Variants in BCAR3 observed in about 807,000 individuals in gnomAD.
BCAR3 encodes the protein BCAR3 adaptor protein, NSP family member.
BCAR3 carries 37 observed loss-of-function variants against 80.1 expected under a neutral mutation model. The ratio of observed to expected loss-of-function variants is 0.46; its 90% CI spans 0.36 to 0.61. The LOEUF is 0.61. Ranked by LOEUF, BCAR3 falls within the 20% of genes least tolerant of loss-of-function variation. BCAR3 has a pLI of 0.00. For synonymous variants in BCAR3, 389 were observed against 418.9 expected (o/e 0.93, Z 0.87); for missense variants, 978 against 1,068.2 (o/e 0.92, Z 1.18).
At chr1:93,675,041 AATATTCACAGACC>A in intron 1 of BCAR3, 100 bp from the exon 2 acceptor site, 1 of 981,174 alleles carries the variant, frequency 1.0e-6, no homozygotes, top group Non-Finnish European at 1.4e-6. Context: ...CATAAAATGA[AATATTCACAGACC>A]ATTAACAGAT....
intron 3 of BCAR3, among the ~76,000 whole-genome samples, chr1:93,611,002 C>T (rs1414942225): frequency 3.3e-5 from 5 of 152,010 alleles, no homozygotes; most frequent in Non-Finnish European, 7.4e-5. Flanking sequence ...TGATTCTGGG[C>T]GGGCTGTTTC....
At chr1:93,614,977 C>A (rs1308058434) in intron 3 of BCAR3, among the ~76,000 whole-genome samples, 1 of 151,480 alleles carries the variant, frequency 6.6e-6, no homozygotes, top group Admixed American at 6.6e-5. Flanking sequence ...TCCCTTCATT[C>A]CAGTTATAGC....
chr1:93,718,688 C>CTTTTT (rs71094259), intron 2 of BCAR3, among the ~76,000 whole-genome samples: 5 of 77,036 alleles, frequency 6.5e-5, no homozygotes, highest in Admixed American at 1.7e-4. Context: ...CATTGTTTTT[C>CTTTTT]TTTTTTTTTT....
chr1:93,601,599 T>C (rs1412543020), intron 3 of BCAR3, among the ~76,000 whole-genome samples: 1 of 152,260 alleles, frequency 6.6e-6, no homozygotes, highest in East Asian at 1.9e-4. Context: ...AGTTTTGTGT[T>C]TGCACAAGAC....
At chr1:93,815,777 T>C (rs571167992) in intron 2 of BCAR3, among the ~76,000 whole-genome samples, 105 of 152,314 alleles carry the variant, frequency 6.9e-4, no homozygotes, top group African/African-American at 2.5e-3. Context: ...GAGAACATGT[T>C]TGAGCCAAAA....
chr1:93,838,476 C>A (rs142450783), intron 2 of BCAR3, among the ~76,000 whole-genome samples: 3 of 152,174 alleles, frequency 2.0e-5, no homozygotes, highest in South Asian at 4.1e-4. Flanking sequence ...AAATACCCCC[C>A]ACTAGGTCTG....
chr1:93,828,428 A>C (rs752289840), intron 2 of BCAR3, among the ~76,000 whole-genome samples: 23 of 152,222 alleles, frequency 1.5e-4, no homozygotes, highest in Non-Finnish European at 2.8e-4. Context: ...TCTGTGCAGA[A>C]GCTAGCCATA....
In BCAR3 at chr1:93,586,379, G is replaced by A. The variant is rs549755936; in HGVS notation, c.930-2258C>T. On this transcript the variant is annotated intron_variant, in intron 5 of 11. Transcript: ENST00000260502. This position sits in a 1 kb window ranked among gnomAD's most constrained non-coding sequence, Gnocchi z 4.2. ...TCCATCCACGTGGTTGCAAATAACA[G>A]GATCTCATTGTTTTTATGGCTGAAT... Among the ~76,000 whole-genome samples, 2 of 152,270 alleles carry A rather than the reference G, an allele frequency of 1.3e-5. No homozygotes were observed. The highest frequency in any genetic ancestry group is 4.1e-4 in the South Asian group (2 of 4,828).
At chr1:93,614,690 T>C (rs1422725336) in intron 3 of BCAR3, among the ~76,000 whole-genome samples, 5 of 152,220 alleles carry the variant, frequency 3.3e-5, no homozygotes, top group Non-Finnish European at 7.3e-5. Context: ...GCAAACACCC[T>C]GAGCGCCCTA....
chr1:93,722,770 T>C lies in BCAR3; in HGVS notation c.-62-16628A>G, dbSNP rs188034025. Among the ~76,000 whole-genome samples the C allele has an allele frequency of 1.5e-3, 234 of 152,220 alleles. 1 individual carries two copies. The highest frequency in any genetic ancestry group is 5.4e-3 in the African/African-American group (225 of 41,526). Reference sequence around the variant, plus strand: ...AGGAATATGTTTGTGCTTTGATTGCTGACAAGGGCCGCAGACCCTCTAGTC... The same window carrying C: ...AGGAATATGTTTGTGCTTTGATTGCCGACAAGGGCCGCAGACCCTCTAGTC... On this transcript the variant is annotated intron_variant, in intron 2 of 13. Coordinates refer to the BCAR3 transcript ENST00000370244.
At chr1:93,831,854 C>G (rs1257076056) in intron 2 of BCAR3, among the ~76,000 whole-genome samples, 1 of 152,200 alleles carries the variant, frequency 6.6e-6, no homozygotes, top group Non-Finnish European at 1.5e-5. Flanking sequence ...ACAATTTCCT[C>G]TTAAAGAGGT....
chr1:93,663,662 T>C (rs1647763097), intron 2 of BCAR3, among the ~76,000 whole-genome samples: 1 of 152,196 alleles, frequency 6.6e-6, no homozygotes, highest in Non-Finnish European at 1.5e-5. Flanking sequence ...GAGGGCTCCT[T>C]ACATGCACAA....
chr1:93,656,890 G>A (rs979518232), intron 2 of BCAR3, among the ~76,000 whole-genome samples: 7 of 152,100 alleles, frequency 4.6e-5, no homozygotes, highest in African/African-American at 1.4e-4. Context: ...TAAAGTCTTT[G>A]TGGGTCTCAG....
At chr1:93,834,574 A>G (rs1349189290) in intron 2 of BCAR3, among the ~76,000 whole-genome samples, 1 of 152,218 alleles carries the variant, frequency 6.6e-6, no homozygotes, top group East Asian at 1.9e-4. Context: ...TGCGCTCTGT[A>G]GCCTTTCTGT....
In BCAR3 at chr1:93,662,531, T is replaced by C. The variant is rs544836901; in HGVS notation, c.317+12083A>G. On this transcript the variant is annotated intron_variant, in intron 2 of 11. Coordinates refer to ENST00000260502, the MANE Select transcript of BCAR3 (RefSeq NM_003567.4). Reference sequence around the variant, plus strand: ...AATTCCCCTAGATTTGTCATTCATGTATGTGATCTGTATGCCAATATTATT... The same window carrying C: ...AATTCCCCTAGATTTGTCATTCATGCATGTGATCTGTATGCCAATATTATT... 3.9e-5 allele frequency among the ~76,000 whole-genome samples: 6 copies of C among 152,310 alleles called. No individual in the cohort carries two copies. In the South Asian group the frequency reaches 1.2e-3, roughly 32 times the overall value.
intron 2 of BCAR3, among the ~76,000 whole-genome samples, chr1:93,814,354 C>T (rs1653947496): frequency 1.3e-5 from 2 of 152,190 alleles, no homozygotes; most frequent in Admixed American, 6.5e-5. Context: ...AGTTATTCAG[C>T]CTTATTGAAC....
intron 2 of BCAR3, among the ~76,000 whole-genome samples, chr1:93,671,735 C>T (rs1416351999): frequency 6.6e-6 from 1 of 152,182 alleles, no homozygotes; most frequent in Non-Finnish European, 1.5e-5. Flanking sequence ...CTGCTTGGTC[C>T]TAGCTCTGCA....
intron 2 of BCAR3, among the ~76,000 whole-genome samples, chr1:93,674,203 C>A (rs989599540): frequency 6.6e-6 from 1 of 152,116 alleles, no homozygotes; most frequent in East Asian, 1.9e-4. Flanking sequence ...ACTGTTGGAG[C>A]CGGCTGACAG....
upstream of BCAR3, among the ~76,000 whole-genome samples, chr1:93,683,073 A>G (rs1172029870): frequency 1.3e-5 from 2 of 152,208 alleles, no homozygotes; most frequent in African/African-American, 2.4e-5. Flanking sequence ...GTGAGAAAAC[A>G]TAATTGCAAC....
Sources: gnomAD v4.1 joint callset for allele counts (sites outside exome capture counted in the v4.1 genomes callset) on GRCh38, gnomAD v4.1.1 for gene constraint, Gnocchi (gnomAD v3.1) non-coding constraint, MANE v1.5 for transcripts, NCBI Gene and HGNC (gene_info 2026-07-23, HGNC 2026-07-21) for gene names.